The following FIGN variants were observed in gnomAD, a reference collection of about 807,000 sequenced individuals.
FIGN encodes the protein fidgetin.
In FIGN, 11 loss-of-function variants were observed where a neutral mutation model predicts 51.3. That is an observed-to-expected ratio of 0.21 (90% CI 0.13 to 0.35). The LOEUF (loss-of-function observed/expected upper bound fraction) is 0.35. Among genes scored for constraint, FIGN ranks in the 10% least tolerant of loss-of-function variants. The pLI is 1.00. For missense variants in FIGN, 857 were observed against 943.6 expected (o/e 0.91, Z 1.20); for synonymous variants, 407 against 363.2 (o/e 1.12, Z -1.37).
At chr2:163,646,421 G>A (rs1255801641) in intron 2 of FIGN, among the ~76,000 whole-genome samples, 2 of 152,066 alleles carry the variant, frequency 1.3e-5, no homozygotes, top group African/African-American at 2.4e-5. Context: ...GGGGTAGTAG[G>A]TTAAAAAGAA....
chr2:163,677,389 A>G (rs775303921), intron 2 of FIGN, among the ~76,000 whole-genome samples: 1 of 152,208 alleles, frequency 6.6e-6, no homozygotes, highest in Non-Finnish European at 1.5e-5. Flanking sequence ...CAGGGCTGCA[A>G]TGGTGTAAAT....
rs1177881770 is a variant in FIGN, at chr2:163,603,068, C to T, written c.*6484G>A. Reference sequence around the variant, plus strand: ...AATCTAAGCAGAAATGTCTCATTTACATTAATAATGTTCACAAATTATATG... The same window carrying T: ...AATCTAAGCAGAAATGTCTCATTTATATTAATAATGTTCACAAATTATATG... On this transcript the variant is annotated 3_prime_UTR_variant, in exon 3 of 3. Transcript: ENST00000333129. The T allele has an allele frequency of 6.6e-6, 1 of 151,988 alleles. No homozygotes were observed. The highest frequency in any genetic ancestry group is 1.5e-5 in the Non-Finnish European group (1 of 67,972). 9.4% of individuals were successfully genotyped at this position (151,988 alleles called of 1,614,324 possible). A position where few individuals can be genotyped will look rare whatever the true frequency, so the allele number is the denominator to read the frequency against.
intron 2 of FIGN, among the ~76,000 whole-genome samples, chr2:163,640,291 G>T (rs78377429): frequency 0.011 from 1,699 of 152,154 alleles, 23 homozygotes; most frequent in African/African-American, 0.035. Flanking sequence ...TCATGTTTAT[G>T]TAACAAAAAT....
intron 2 of FIGN, among the ~76,000 whole-genome samples, chr2:163,704,519 C>T (rs139797903): frequency 1.3e-3 from 205 of 152,010 alleles, no homozygotes; most frequent in African/African-American, 4.7e-3. Context: ...AATTTTTATT[C>T]CCATCTCTGT....
At chr2:163,683,179 G>T (rs185252147) in intron 2 of FIGN, among the ~76,000 whole-genome samples, 1 of 152,118 alleles carries the variant, frequency 6.6e-6, no homozygotes, top group Non-Finnish European at 1.5e-5. Context: ...AGGATTACAA[G>T]TGAAATAGTT....
intron 2 of FIGN, among the ~76,000 whole-genome samples, chr2:163,722,473 A>G (rs559920858): frequency 6.6e-6 from 1 of 152,044 alleles, no homozygotes; most frequent in South Asian, 2.1e-4. Flanking sequence ...TAAGAAGTCA[A>G]TCTGGAAGTC....
At chr2:163,659,582 G>A (rs1017690789) in intron 2 of FIGN, among the ~76,000 whole-genome samples, 1 of 152,180 alleles carries the variant, frequency 6.6e-6, no homozygotes, top group Non-Finnish European at 1.5e-5. Context: ...ATTTTGGGGG[G>A]TTAGTCCCAG....
chr2:163,728,340 A>G (rs1246274349), intron 2 of FIGN, among the ~76,000 whole-genome samples: 1 of 151,736 alleles, frequency 6.6e-6, no homozygotes, highest in African/African-American at 2.4e-5. Context: ...TCTTACTACT[A>G]CAATTATTCT....
intron 2 of FIGN, among the ~76,000 whole-genome samples, chr2:163,630,510 C>T (rs6432765): frequency 0.54 from 82,190 of 151,690 alleles, 23,851 homozygotes; most frequent in Middle Eastern, 0.78. Flanking sequence ...AAAGGCAATG[C>T]GGAAAGATCA....
In FIGN at chr2:163,633,511, C is replaced by G. The variant is rs1056502579; in HGVS notation, c.26-21705G>C. Among the ~76,000 whole-genome samples the G allele has an allele frequency of 2.0e-5, 3 of 152,182 alleles. 1 individual carries two copies. The highest frequency in any genetic ancestry group is 2.0e-4 in the Admixed American group (3 of 15,274). On this transcript the variant is annotated intron_variant, in intron 2 of 2. Coordinates refer to ENST00000333129, the MANE Select transcript of FIGN (RefSeq NM_018086.4). ...CTTGCTCTTCCAGCTCAAGCACTTA[C>G]AGCTTCCTCCACAAACCTGTTTCAG...
At chr2:163,650,684 T>A (rs913570297) in intron 2 of FIGN, among the ~76,000 whole-genome samples, 70 of 152,254 alleles carry the variant, frequency 4.6e-4, no homozygotes, top group African/African-American at 1.6e-3. Context: ...TTTTTGTTTC[T>A]CCCTTGCTGT....
chr2:163,615,219 G>A (rs1682852611), intron 2 of FIGN, among the ~76,000 whole-genome samples: 1 of 152,124 alleles, frequency 6.6e-6, no homozygotes, highest in South Asian at 2.1e-4. Context: ...AGGCAAAATT[G>A]TATTTTGTTT....
chr2:163,685,075 G>A (rs7563288), intron 2 of FIGN, among the ~76,000 whole-genome samples: 135,167 of 151,952 alleles, frequency 0.89, 60,940 homozygotes, highest in Middle Eastern at 0.98. Flanking sequence ...GTGAGCTACC[G>A]CACCCAGTGA....
chr2:163,659,196 A>G (rs1202857980), intron 2 of FIGN, among the ~76,000 whole-genome samples: 1 of 152,246 alleles, frequency 6.6e-6, no homozygotes, highest in Non-Finnish European at 1.5e-5. Context: ...GTCTTTGGAA[A>G]CAAATTGAAA....
At chr2:163,728,690 G>C (rs529257067) in intron 2 of FIGN, among the ~76,000 whole-genome samples, 2 of 152,120 alleles carry the variant, frequency 1.3e-5, no homozygotes, top group African/African-American at 4.8e-5. Context: ...TTCTACAAAG[G>C]TGGCCCCAGA....
chr2:163,705,298 C>T (rs906156813), intron 2 of FIGN, among the ~76,000 whole-genome samples: 1 of 152,156 alleles, frequency 6.6e-6, no homozygotes, highest in African/African-American at 2.4e-5. Flanking sequence ...ACAGCTGATA[C>T]CCACCAGAAA....
chr2:163,671,473 G>A (rs1047701535), intron 2 of FIGN, among the ~76,000 whole-genome samples: 7 of 152,056 alleles, frequency 4.6e-5, no homozygotes, highest in Non-Finnish European at 8.8e-5. Flanking sequence ...GACAAACTAC[G>A]CTATCCTTTG....
At chr2:163,688,987 C>T (rs981785521) in intron 2 of FIGN, among the ~76,000 whole-genome samples, 1 of 151,884 alleles carries the variant, frequency 6.6e-6, no homozygotes, top group Admixed American at 6.6e-5. Flanking sequence ...CAGTTCAAAA[C>T]CCTATCTCTT....
intron 2 of FIGN, among the ~76,000 whole-genome samples, chr2:163,716,301 G>T (rs977813783): frequency 4.6e-5 from 7 of 152,046 alleles, no homozygotes; most frequent in African/African-American, 1.4e-4. Flanking sequence ...TTACACAAGG[G>T]AATTGTGTAC....
Sources: allele counts gnomAD v4.1 joint callset (sites outside exome capture counted in the v4.1 genomes callset), GRCh38; gene constraint gnomAD v4.1.1; transcripts MANE v1.5; gene names NCBI Gene and HGNC (gene_info 2026-07-23, HGNC 2026-07-21).